The following CHST9 variants were observed in gnomAD, a reference collection of about 807,000 sequenced individuals.
CHST9 encodes GalNAc-4-sulfotransferase 2.
Under a neutral mutation model 44.4 loss-of-function variants are expected in CHST9, and 41 were observed. The ratio of observed to expected loss-of-function variants is 0.92; its 90% CI spans 0.72 to 1.20. The LOEUF (loss-of-function observed/expected upper bound fraction) is 1.20. CHST9 is among the 50% of genes most tolerant of loss of function. CHST9 has a pLI of 0.00. For synonymous variants in CHST9, 171 were observed against 178.4 expected, an observed-to-expected ratio of 0.96 and a Z score of 0.33; for missense variants, 504 against 516.5, an observed-to-expected ratio of 0.98 and a Z score of 0.23.
chr18:27,127,405 C>T (rs1360113929), intron 2 of CHST9, among the ~76,000 whole-genome samples: 1 of 152,006 alleles, frequency 6.6e-6, no homozygotes, highest in Non-Finnish European at 1.5e-5. Flanking sequence ...TAATGCTGCA[C>T]AGAACTCAAA....
At chr18:27,053,253 A>AAGAAGAAGAAGG (rs2057602487) in intron 2 of CHST9, among the ~76,000 whole-genome samples, 1 of 112,946 alleles carries the variant, frequency 8.9e-6, no homozygotes, top group East Asian at 2.6e-4. Flanking sequence ...GAAGAAGAAG[A>AAGAAGAAGAAGG]AGAAGAAGGA....
At chr18:27,053,133 A>AGAG (rs1423741022) in intron 2 of CHST9, among the ~76,000 whole-genome samples, 19 of 66,082 alleles carry the variant, frequency 2.9e-4, no homozygotes, top group African/African-American at 1.2e-3. Context: ...AAGAAGAGGA[A>AGAG]GAAGAAGAAG....
intron 2 of CHST9, among the ~76,000 whole-genome samples, chr18:27,089,504 T>TA (rs2058046694): frequency 6.6e-6 from 1 of 152,188 alleles, no homozygotes; most frequent in Admixed American, 6.5e-5. Context: ...CCGTGGTGTA[T>TA]ATGTGCCACA....
intron 2 of CHST9, among the ~76,000 whole-genome samples, chr18:27,056,667 T>C (rs2057659997): frequency 6.6e-6 from 1 of 152,152 alleles, no homozygotes; most frequent in South Asian, 2.1e-4. Flanking sequence ...ACATAGCAAA[T>C]AGTACATTGC....
At chr18:27,124,154 G>C (rs2143817461) in intron 2 of CHST9, among the ~76,000 whole-genome samples, 1 of 152,310 alleles carries the variant, frequency 6.6e-6, no homozygotes, top group Admixed American at 6.5e-5. Flanking sequence ...AAGAAATCCA[G>C]ATGCTAAAAA....
At chr18:27,154,036 A>G (rs1313894978) in intron 1 of CHST9, among the ~76,000 whole-genome samples, 3 of 152,232 alleles carry the variant, frequency 2.0e-5, no homozygotes, top group East Asian at 3.9e-4. Context: ...AAAAGCTCTG[A>G]CTGGACCCCA....
intron 2 of CHST9, among the ~76,000 whole-genome samples, chr18:27,100,378 A>G (rs1344867661): frequency 1.3e-5 from 2 of 152,216 alleles, no homozygotes; most frequent in Non-Finnish European, 2.9e-5. Flanking sequence ...ACTCAGGAAA[A>G]GAACCTGCAC....
chr18:27,100,641 C>A (rs2058162094), intron 2 of CHST9, among the ~76,000 whole-genome samples: 1 of 151,884 alleles, frequency 6.6e-6, no homozygotes, highest in African/African-American at 2.4e-5. Flanking sequence ...AAATATGATG[C>A]ATGTGTAAAT....
At chr18:27,039,109 T>C (rs2057419136) in intron 3 of CHST9, among the ~76,000 whole-genome samples, 1 of 152,200 alleles carries the variant, frequency 6.6e-6, no homozygotes, top group Non-Finnish European at 1.5e-5. Context: ...TTACTTGTTC[T>C]TTCTGCCTAA....
At chr18:26,964,924 G>C (rs979601880) in intron 4 of CHST9, among the ~76,000 whole-genome samples, 1 of 152,178 alleles carries the variant, frequency 6.6e-6, no homozygotes, top group African/African-American at 2.4e-5. Flanking sequence ...GAAGATGGGA[G>C]GTCTTTCTGC....
intron 2 of CHST9, among the ~76,000 whole-genome samples, chr18:27,063,280 A>T (rs12954659): frequency 0.77 from 117,734 of 152,120 alleles, 45,700 homozygotes; most frequent in African/African-American, 0.8. Context: ...TCCCTCATAT[A>T]TTTGTGATAC....
At chr18:26,971,151 C>T (rs1327479803) in intron 4 of CHST9, among the ~76,000 whole-genome samples, 1 of 152,136 alleles carries the variant, frequency 6.6e-6, no homozygotes, top group Non-Finnish European at 1.5e-5. Flanking sequence ...TTGCAAACTA[C>T]CTTAAGGTAG....
At chr18:27,049,252 C>T (rs2057538642) in intron 2 of CHST9, among the ~76,000 whole-genome samples, 2 of 151,904 alleles carry the variant, frequency 1.3e-5, no homozygotes, top group South Asian at 4.2e-4. Flanking sequence ...AATAATAGGG[C>T]CCAGTGATTT....
At chr18:26,983,658 T>G (rs2056720604) in intron 4 of CHST9, among the ~76,000 whole-genome samples, 1 of 152,302 alleles carries the variant, frequency 6.6e-6, no homozygotes, top group Middle Eastern at 3.4e-3. Flanking sequence ...CCTAATATAG[T>G]CCCATCTTCA....
chr18:26,946,186 C>T (rs551553279), intron 4 of CHST9, among the ~76,000 whole-genome samples: 1 of 152,162 alleles, frequency 6.6e-6, no homozygotes, highest in Non-Finnish European at 1.5e-5. Context: ...AAAGAAGAGA[C>T]AACATGGCTT....
chr18:26,993,403 A>G (rs1298100725), intron 4 of CHST9, among the ~76,000 whole-genome samples: 2 of 152,218 alleles, frequency 1.3e-5, no homozygotes, highest in Non-Finnish European at 2.9e-5. Flanking sequence ...TTAAAATGGT[A>G]TTAGTAAACT....
intron 4 of CHST9, among the ~76,000 whole-genome samples, chr18:26,964,962 C>T (rs372149407): frequency 6.6e-6 from 1 of 152,092 alleles, no homozygotes; most frequent in Non-Finnish European, 1.5e-5. Context: ...GGTCAGATGG[C>T]GATGGCAGGA....
chr18:26,924,538 C>T (rs966233698), intron 5 of CHST9: 50 of 773,842 alleles, frequency 6.5e-5, no homozygotes, highest in Non-Finnish European at 7.8e-5. Context: ...TATAATATTA[C>T]TCTTAATAAT....
At chr18:26,966,834 G>A (rs1192241838) in intron 4 of CHST9, among the ~76,000 whole-genome samples, 2 of 146,688 alleles carry the variant, frequency 1.4e-5, no homozygotes, top group East Asian at 4.1e-4. Context: ...CTAAGTTTTT[G>A]ATGATTACTG....
Sources: gnomAD v4.1 joint callset for allele counts (sites outside exome capture counted in the v4.1 genomes callset) on GRCh38, gnomAD v4.1.1 for gene constraint, MANE v1.5 for transcripts, NCBI Gene and HGNC (gene_info 2026-07-23, HGNC 2026-07-21) for gene names.